The following CHRM3 variants were observed in gnomAD, a reference collection of about 807,000 sequenced individuals.
CHRM3 encodes the protein muscarinic acetylcholine receptor M3.
In CHRM3, 11 loss-of-function variants were observed where a neutral mutation model predicts 41.8. The ratio of observed to expected loss-of-function variants is 0.26; its 90% CI spans 0.17 to 0.44. The LOEUF (loss-of-function observed/expected upper bound fraction) is 0.44, where lower values mean the gene tolerates loss of function less well. Among genes scored for constraint, CHRM3 ranks in the 20% least tolerant of loss-of-function variants. CHRM3 has a pLI of 1.00. For synonymous variants in CHRM3, 297 were observed against 301.4 expected (o/e 0.99, Z 0.15); for missense variants, 571 against 745.4 (o/e 0.77, Z 2.72).
At chr1:239,717,087 C>G (rs1285421787) in intron 5 of CHRM3, among the ~76,000 whole-genome samples, 1 of 150,144 alleles carries the variant, frequency 6.7e-6, no homozygotes, top group Admixed American at 6.6e-5. Flanking sequence ...AGTACATTTT[C>G]CAAAAAAGAA....
At chr1:239,889,145 T>A (rs975007814) in intron 6 of CHRM3, among the ~76,000 whole-genome samples, 2 of 152,086 alleles carry the variant, frequency 1.3e-5, no homozygotes, top group Admixed American at 6.5e-5. Context: ...GAGGAATGGA[T>A]CACCGGATCC....
chr1:239,522,404 T>C (rs1469212424), intron 2 of CHRM3, among the ~76,000 whole-genome samples: 1 of 152,192 alleles, frequency 6.6e-6, no homozygotes, highest in African/African-American at 2.4e-5. Flanking sequence ...CCTTAGTAGA[T>C]CGTCCGGGTC....
chr1:239,760,525 C>T (rs1301223974), intron 5 of CHRM3, among the ~76,000 whole-genome samples: 1 of 152,178 alleles, frequency 6.6e-6, no homozygotes. Flanking sequence ...GCTGAACACA[C>T]TGGGCCTTTT....
chr1:239,475,588 G>A (rs555011201), intron 1 of CHRM3, among the ~76,000 whole-genome samples: 1 of 152,050 alleles, frequency 6.6e-6, no homozygotes, highest in Non-Finnish European at 1.5e-5. Context: ...ATAGAAAAAG[G>A]CATGAATTTA....
At chr1:239,865,925 C>G (rs1676050488) in intron 6 of CHRM3, among the ~76,000 whole-genome samples, 1 of 152,078 alleles carries the variant, frequency 6.6e-6, no homozygotes, top group Admixed American at 6.6e-5. Flanking sequence ...GGGAGGGGTG[C>G]GGGTGCAGGC....
chr1:239,883,183 A>G (rs890498702), intron 6 of CHRM3, among the ~76,000 whole-genome samples: 1 of 152,200 alleles, frequency 6.6e-6, no homozygotes, highest in Non-Finnish European at 1.5e-5. Context: ...CGTAAACGGT[A>G]AAACAACCTG....
At chr1:239,571,925 T>C (rs912569992) in intron 3 of CHRM3, among the ~76,000 whole-genome samples, 1 of 152,200 alleles carries the variant, frequency 6.6e-6, no homozygotes, top group Non-Finnish European at 1.5e-5. Flanking sequence ...CTGACTTCTT[T>C]GACTTCTTTT....
chr1:239,594,396 A>G (rs2148655722), intron 3 of CHRM3, among the ~76,000 whole-genome samples: 1 of 152,334 alleles, frequency 6.6e-6, no homozygotes, highest in African/African-American at 2.4e-5. Context: ...TGTGTTTATG[A>G]GAAGCATTGT....
At chr1:239,901,254 C>T (rs1159102788) in intron 6 of CHRM3, among the ~76,000 whole-genome samples, 1 of 152,070 alleles carries the variant, frequency 6.6e-6, no homozygotes, top group Non-Finnish European at 1.5e-5. Flanking sequence ...GATTCCAAGC[C>T]CTCCTTGGCA....
At chr1:239,627,703 G>A (rs1238986442) in intron 3 of CHRM3, among the ~76,000 whole-genome samples, 2 of 136,826 alleles carry the variant, frequency 1.5e-5, no homozygotes, top group East Asian at 4.4e-4. Flanking sequence ...GCCTGGTGGT[G>A]ACAAAATCTC....
At chr1:239,776,360 C>T (rs1668082012) in intron 5 of CHRM3, among the ~76,000 whole-genome samples, 1 of 152,174 alleles carries the variant, frequency 6.6e-6, no homozygotes, top group Admixed American at 6.5e-5. Context: ...ATGTGTAACA[C>T]ATAGTAAGCA....
chr1:239,455,310 C>G (rs1266088912), intron 1 of CHRM3, among the ~76,000 whole-genome samples: 1 of 151,994 alleles, frequency 6.6e-6, no homozygotes, highest in Middle Eastern at 3.2e-3. Context: ...CTCAGCCTCC[C>G]AAAGTGCTGG....
intron 4 of CHRM3, among the ~76,000 whole-genome samples, chr1:239,676,149 C>T (rs184823618): frequency 9.2e-5 from 14 of 152,222 alleles, no homozygotes; most frequent in African/African-American, 3.1e-4. Flanking sequence ...CATCAAAGAC[C>T]CTTGCCCCAG....
intron 1 of CHRM3, among the ~76,000 whole-genome samples, chr1:239,414,595 G>A (rs575754911): frequency 6.6e-6 from 1 of 152,338 alleles, no homozygotes; most frequent in Admixed American, 6.5e-5. Flanking sequence ...TGTACACTTT[G>A]AAAAGCTAGT....
At chr1:239,749,603 G>A (rs1665645947) in intron 5 of CHRM3, among the ~76,000 whole-genome samples, 1 of 152,196 alleles carries the variant, frequency 6.6e-6, no homozygotes, top group Middle Eastern at 3.2e-3. Context: ...CAGAGATGGA[G>A]GCTGTAGTGA....
chr1:239,509,379 T>G (rs1558277067), intron 2 of CHRM3, among the ~76,000 whole-genome samples: 1 of 152,192 alleles, frequency 6.6e-6, no homozygotes, highest in African/African-American at 2.4e-5. Flanking sequence ...AATATGCTAT[T>G]TCTGTTTATA....
intron 5 of CHRM3, chr1:239,826,837 T>C (rs1193548012): frequency 6.6e-6 from 1 of 152,118 alleles, no homozygotes; most frequent in African/African-American, 2.4e-5. Flanking sequence ...ATAAAAATAA[T>C]AATATTTCTT....
chr1:239,733,630 G>T (rs12118615), intron 5 of CHRM3, among the ~76,000 whole-genome samples: 1 of 151,944 alleles, frequency 6.6e-6, no homozygotes, highest in Admixed American at 6.6e-5. Flanking sequence ...TCTTCTGTAA[G>T]AAAGTTTATA....
chr1:239,845,041 G>A (rs1674149867), intron 6 of CHRM3, among the ~76,000 whole-genome samples: 1 of 152,156 alleles, frequency 6.6e-6, no homozygotes, highest in African/African-American at 2.4e-5. Context: ...CTATTTTCAA[G>A]ATGGCAGAGG....
Sources: gnomAD v4.1 joint callset for allele counts (sites outside exome capture counted in the v4.1 genomes callset) on GRCh38, gnomAD v4.1.1 for gene constraint, MANE v1.5 for transcripts, NCBI Gene and HGNC (gene_info 2026-07-23, HGNC 2026-07-21) for gene names.